QTMAN: variants seen among roughly 807,000 people sequenced by gnomAD.
QTMAN encodes queuosine-tRNA mannosyltransferase, also known as tRNA-queuosine alpha-mannosyltransferase.
At chr2:144,230,078 A>G in the QTMAN span, among the ~76,000 whole-genome samples, 1 of 152,124 alleles carries the variant, frequency 6.6e-6, no homozygotes, top group East Asian at 1.9e-4. Flanking sequence ...CTTCAATTTC[A>G]TTTTCAGTTA....
At chr2:144,224,363 A>G in the QTMAN span, among the ~76,000 whole-genome samples, 1 of 152,232 alleles carries the variant, frequency 6.6e-6, no homozygotes, top group Non-Finnish European at 1.5e-5. Context: ...TTCAACAAAT[A>G]CTTATTGTGC....
At chr2:144,190,659 T>C in the QTMAN span, among the ~76,000 whole-genome samples, 1 of 152,140 alleles carries the variant, frequency 6.6e-6, no homozygotes, top group Non-Finnish European at 1.5e-5. Context: ...TAAATAACAA[T>C]TCGGTAAAAT....
At chr2:144,200,314 C>A in the QTMAN span, among the ~76,000 whole-genome samples, 1 of 152,316 alleles carries the variant, frequency 6.6e-6, no homozygotes, top group South Asian at 2.1e-4. Flanking sequence ...CTGATAGTGT[C>A]TCTTCCATAA....
the QTMAN span, among the ~76,000 whole-genome samples, chr2:144,209,155 G>A: frequency 6.6e-6 from 1 of 152,184 alleles, no homozygotes; most frequent in Non-Finnish European, 1.5e-5. Context: ...GCCTAACTCA[G>A]TAATCTCAGA....
the QTMAN span, among the ~76,000 whole-genome samples, chr2:143,965,508 T>G: frequency 1.1e-3 from 166 of 152,318 alleles, no homozygotes; most frequent in South Asian, 4.8e-3. Context: ...TGAATTAACT[T>G]AGAAAGCTTC....
the QTMAN span, among the ~76,000 whole-genome samples, chr2:144,169,100 T>C: frequency 6.6e-6 from 1 of 152,076 alleles, no homozygotes; most frequent in Non-Finnish European, 1.5e-5. Flanking sequence ...ACCTAGCAGT[T>C]TCCTCTTAGA....
chr2:143,963,431 C>A, the QTMAN span, among the ~76,000 whole-genome samples: 1 of 151,004 alleles, frequency 6.6e-6, no homozygotes, highest in African/African-American at 2.4e-5. Flanking sequence ...AGTTTGTGGG[C>A]TCTTAAATGT....
the QTMAN span, among the ~76,000 whole-genome samples, chr2:144,312,275 A>C: frequency 6.7e-6 from 1 of 148,682 alleles, no homozygotes; most frequent in Non-Finnish European, 1.5e-5. Context: ...CTCCTGCCTC[A>C]GCCTCCCAAA....
chr2:144,138,783 T>C, the QTMAN span, among the ~76,000 whole-genome samples: 4 of 152,030 alleles, frequency 2.6e-5, no homozygotes, highest in African/African-American at 4.8e-5. Flanking sequence ...GATTTGGTAT[T>C]GGAGTGTTCT....
At chr2:143,991,093 A>T in the QTMAN span, among the ~76,000 whole-genome samples, 1 of 152,114 alleles carries the variant, frequency 6.6e-6, no homozygotes, top group Non-Finnish European at 1.5e-5. Flanking sequence ...AAGACATGAA[A>T]AATATGAAAA....
the QTMAN span, among the ~76,000 whole-genome samples, chr2:144,332,002 C>G: frequency 6.6e-6 from 1 of 152,350 alleles, no homozygotes; most frequent in African/African-American, 2.4e-5. Context: ...CTCAGGCCAA[C>G]CCGGACGCCC....
At chr2:144,312,547 C>T in the QTMAN span, among the ~76,000 whole-genome samples, 1 of 152,182 alleles carries the variant, frequency 6.6e-6, no homozygotes, top group Non-Finnish European at 1.5e-5. Flanking sequence ...CATGCCATCT[C>T]GACTGACGCC....
chr2:144,270,770 T>TGCACG, the QTMAN span, among the ~76,000 whole-genome samples: 3 of 152,180 alleles, frequency 2.0e-5, no homozygotes, highest in South Asian at 2.1e-4. Flanking sequence ...CATGTATACC[T>TGCACG]TTGTAACAAA....
the QTMAN span, among the ~76,000 whole-genome samples, chr2:144,037,231 C>T: frequency 6.6e-6 from 1 of 152,148 alleles, no homozygotes; most frequent in African/African-American, 2.4e-5. Context: ...GCTTGAACAA[C>T]AACGTGAATG....
the QTMAN span, among the ~76,000 whole-genome samples, chr2:144,257,825 T>A: frequency 6.6e-6 from 1 of 151,490 alleles, no homozygotes; most frequent in Non-Finnish European, 1.5e-5. Context: ...AAAACTGGGG[T>A]GGAGAAACAT....
chr2:143,980,702 G>T, the QTMAN span, among the ~76,000 whole-genome samples: 1 of 152,098 alleles, frequency 6.6e-6, no homozygotes, highest in African/African-American at 2.4e-5. Context: ...CATAAATAAA[G>T]ATTTGTTTGC....
chr2:144,122,359 T>C, the QTMAN span, among the ~76,000 whole-genome samples: 1 of 152,200 alleles, frequency 6.6e-6, no homozygotes, highest in Non-Finnish European at 1.5e-5. Flanking sequence ...AGAAAAAGTA[T>C]TGCTATTGAA....
chr2:144,168,922 CATT>C, the QTMAN span, among the ~76,000 whole-genome samples: 25 of 151,722 alleles, frequency 1.6e-4, no homozygotes, highest in Admixed American at 3.3e-4. Context: ...ATGTATCTAA[CATT>C]ATTTTATTAT....
the QTMAN span, among the ~76,000 whole-genome samples, chr2:144,274,651 A>AT: frequency 6.6e-6 from 1 of 152,194 alleles, no homozygotes; most frequent in East Asian, 1.9e-4. Flanking sequence ...CCAGAGAAGG[A>AT]ATGCAAGCTC....
Sources: gnomAD v4.1 joint callset for allele counts (sites outside exome capture counted in the v4.1 genomes callset) on GRCh38, gnomAD v4.1.1 for gene constraint, MANE v1.5 for transcripts, NCBI Gene and HGNC (gene_info 2026-07-23, HGNC 2026-07-21) for gene names.